TEK: variants seen among roughly 807,000 people sequenced by gnomAD.
TEK encodes angiopoietin-1 receptor.
TEK carries 43 observed loss-of-function variants against 131.8 expected under a neutral mutation model. The ratio of observed to expected loss-of-function variants is 0.33; its 90% CI spans 0.26 to 0.42. The LOEUF is 0.42. Among genes scored for constraint, TEK ranks in the 10% least tolerant of loss-of-function variants. The pLI, the probability that TEK is intolerant of heterozygous loss-of-function variation, is 1.00. For missense variants in TEK, 1,162 were observed against 1,384.4 expected (o/e 0.84, Z 2.55); for synonymous variants, 580 against 491.6 (o/e 1.18, Z -2.38).
At chr9:27,129,262 T>C (rs1822118751) in intron 1 of TEK, among the ~76,000 whole-genome samples, 1 of 152,212 alleles carries the variant, frequency 6.6e-6, no homozygotes, top group South Asian at 2.1e-4. Flanking sequence ...GTTTATGTGA[T>C]GGATTATGTT....
chr9:27,144,594 C>G (rs1822847819), intron 1 of TEK, among the ~76,000 whole-genome samples: 1 of 152,164 alleles, frequency 6.6e-6, no homozygotes, highest in African/African-American at 2.4e-5. Flanking sequence ...CGTTTGGAAG[C>G]ACACAGGATT....
At chr9:27,224,880 CTT>C (rs1464933775) in intron 21 of TEK, among the ~76,000 whole-genome samples, 1 of 152,188 alleles carries the variant, frequency 6.6e-6, no homozygotes, top group Admixed American at 6.5e-5. Flanking sequence ...CCCAAAATCT[CTT>C]TAAGCTGATA....
chr9:27,139,443 G>A (rs1173640436), intron 1 of TEK, among the ~76,000 whole-genome samples: 1 of 145,116 alleles, frequency 6.9e-6, no homozygotes, highest in Non-Finnish European at 1.5e-5. Context: ...TCCTGCCTCA[G>A]CCTCCCGAGT....
intron 1 of TEK, among the ~76,000 whole-genome samples, chr9:27,109,948 C>G (rs1012135352): frequency 6.7e-6 from 1 of 148,524 alleles, no homozygotes; most frequent in African/African-American, 2.5e-5. Flanking sequence ...TTTCCTGCTC[C>G]TCATTCTGGA....
At chr9:27,223,474 CA>C (rs1373903951) in intron 21 of TEK, among the ~76,000 whole-genome samples, 1 of 152,170 alleles carries the variant, frequency 6.6e-6, no homozygotes, top group Non-Finnish European at 1.5e-5. Flanking sequence ...CACTGAAAAC[CA>C]CACAACTACA....
chr9:27,177,987 TTGTGCTTTTGTTGTC>T (rs1382244555), intron 6 of TEK, among the ~76,000 whole-genome samples: 1 of 152,192 alleles, frequency 6.6e-6, no homozygotes, highest in African/African-American at 2.4e-5. Flanking sequence ...ATTTGTCTAT[TTGTGCTTTTGTTGTC>T]TGTGCTTTTG....
chr9:27,159,437 G>C (rs2131123301), intron 2 of TEK, among the ~76,000 whole-genome samples: 2 of 152,310 alleles, frequency 1.3e-5, no homozygotes, highest in South Asian at 4.1e-4. Context: ...CAAAGAGTCA[G>C]GGATACAGGG....
chr9:27,147,230 A>G (rs1587516585), intron 1 of TEK, among the ~76,000 whole-genome samples: 8 of 152,164 alleles, frequency 5.3e-5, no homozygotes, highest in African/African-American at 1.9e-4. Context: ...AGCACTGGGT[A>G]TTATCAGGTT....
intron 3 of TEK, among the ~76,000 whole-genome samples, chr9:27,168,954 A>G (rs2131141886): frequency 6.6e-6 from 1 of 152,346 alleles, no homozygotes. Flanking sequence ...AAACATGGGA[A>G]GCCAATTGTT....
rs1823819401 is a variant in TEK, at chr9:27,168,407, G to A, written c.365-88G>A. The A allele has an allele frequency of 3.0e-6, 3 of 986,430 alleles. No homozygotes were observed. In the African/African-American group the frequency reaches 4.8e-5, roughly 16 times the overall value. 61.1% of individuals were successfully genotyped at this position (986,430 alleles called of 1,614,324 possible). ...ACCATCTGACACCTAGCAAGTGCCA[G>A]CCCTCATTTTCTGAGTCTCAAAGCT... On this transcript the variant is annotated intron_variant, in intron 2 of 22. Transcript: ENST00000380036.
rs1387415583 is a variant in TEK at position 27,192,615 on chromosome 9, C to T, written c.1616C>T (p.Ala539Val). 2 of 1,577,264 alleles carry T rather than the reference C, an allele frequency of 1.3e-6. No individual in the cohort carries two copies. The highest frequency in any genetic ancestry group is 2.4e-5 in the East Asian group (1 of 42,144). Residue 539 changes from alanine to valine, a missense_variant, in exon 11 of 23, where the codon GCT becomes GTT. Transcript: ENST00000380036. ...GGACCTGTGAGACGCTTCACAACAGCTTCTATCGGTCAGTGGAAGCCAACA... is the reference window on the plus strand; with the variant it reads ...GGACCTGTGAGACGCTTCACAACAGTTTCTATCGGTCAGTGGAAGCCAACA... ...HPGPVRRFTTASIGLPPPRGL... is the reference protein window; with the variant it reads ...HPGPVRRFTTVSIGLPPPRGL...
intron 4 of TEK, 117 bp from the exon 5 acceptor site, chr9:27,172,499 G>A (rs1033914889): frequency 1.4e-6 from 2 of 1,410,648 alleles, no homozygotes; most frequent in Non-Finnish European, 2.0e-6. Context: ...AGCAGAGCCT[G>A]TATTTTATCT....
intron 9 of TEK, among the ~76,000 whole-genome samples, chr9:27,186,742 C>T (rs892216645): frequency 2.0e-5 from 3 of 152,200 alleles, no homozygotes; most frequent in East Asian, 1.9e-4. Flanking sequence ...TGTATTTGGC[C>T]CCCTTTCGTT....
chr9:27,215,057 G>A (rs999126572), intron 18 of TEK, among the ~76,000 whole-genome samples: 3 of 152,172 alleles, frequency 2.0e-5, no homozygotes, highest in African/African-American at 7.2e-5. Flanking sequence ...GCACTTGGGG[G>A]ATGTGGGTAC....
In TEK at chr9:27,124,012, G is replaced by T. The variant is rs545645244; in HGVS notation, c.52+14370G>T. Among the ~76,000 whole-genome samples, 6 of 152,310 alleles carry T rather than the reference G, an allele frequency of 3.9e-5. No homozygotes were observed. The East Asian group carries it at 1.2e-3, about 29-fold the overall frequency. ...GGCTGGTCTTGAACTCCTGACCTCA[G>T]GTGACCCACCCTCCTTGGCCTCCCA... is the stretch of plus-strand genomic sequence containing the variant. On this transcript the variant is annotated intron_variant, in intron 1 of 22. Transcript: ENST00000380036.
intron 2 of TEK, among the ~76,000 whole-genome samples, chr9:27,158,660 CTTT>C (rs71492736): frequency 1.6e-4 from 22 of 136,402 alleles, no homozygotes; most frequent in Admixed American, 2.2e-4. Context: ...CTTTCTTTTC[CTTT>C]TTTTTTTTTT....
intron 1 of TEK, among the ~76,000 whole-genome samples, chr9:27,118,862 G>A (rs1821670887): frequency 6.6e-6 from 1 of 152,156 alleles, no homozygotes; most frequent in Non-Finnish European, 1.5e-5. Context: ...CACTTTGAAA[G>A]CAAAAGCCTC....
chr9:27,172,813 T>G, intron 5 of TEK, 66 bp downstream of exon 5: 2 of 1,596,696 alleles, frequency 1.3e-6, no homozygotes, highest in East Asian at 2.3e-5. Context: ...ATCTAGAATT[T>G]TAGATCTCGA....
intron 1 of TEK, among the ~76,000 whole-genome samples, chr9:27,139,225 AC>A (rs200836450): frequency 1.3e-5 from 2 of 149,938 alleles, no homozygotes; most frequent in Admixed American, 6.7e-5. Context: ...AAAAAAAAAA[AC>A]AGTAGGATTC....
Sources: gnomAD v4.1 joint callset for allele counts (sites outside exome capture counted in the v4.1 genomes callset) on GRCh38, gnomAD v4.1.1 for gene constraint, MANE v1.5 for transcripts, NCBI Gene and HGNC (gene_info 2026-07-23, HGNC 2026-07-21) for gene names.